KDM4C: variants seen among roughly 807,000 people sequenced by gnomAD.
The protein encoded by KDM4C is lysine demethylase 4C.
In KDM4C, 81 loss-of-function variants were observed where a neutral mutation model predicts 129.3. That is an observed-to-expected ratio of 0.63 (90% confidence interval 0.52 to 0.75). The LOEUF is 0.75. Among genes scored for constraint, KDM4C ranks in the 30% least tolerant of loss-of-function variants. The pLI is 0.00. For synonymous variants in KDM4C, 573 were observed against 456.1 expected (o/e 1.26, Z -3.26); for missense variants, 1,457 against 1,304.0 (o/e 1.12, Z -1.81).
chr9:6,834,809 A>T (rs1835567502), intron 4 of KDM4C: 1 of 1,372,214 alleles, frequency 7.3e-7, no homozygotes, highest in Non-Finnish European at 1.0e-6. Flanking sequence ...CCGCGAGAAG[A>T]TGACCCAGAT....
At chr9:7,004,703 C>G (rs1821335611) in intron 12 of KDM4C, among the ~76,000 whole-genome samples, 1 of 152,076 alleles carries the variant, frequency 6.6e-6, no homozygotes, top group Non-Finnish European at 1.5e-5. Context: ...AGAATAAAGG[C>G]TTTTATTTTC....
At chr9:7,058,947 T>C (rs978922227) in intron 17 of KDM4C, among the ~76,000 whole-genome samples, 1 of 152,194 alleles carries the variant, frequency 6.6e-6, no homozygotes, top group Non-Finnish European at 1.5e-5. Flanking sequence ...AATGACAAGA[T>C]TTGTTGCCTG....
chr9:6,934,700 G>T (rs1002510925), intron 8 of KDM4C, among the ~76,000 whole-genome samples: 1 of 151,722 alleles, frequency 6.6e-6, no homozygotes, highest in African/African-American at 2.4e-5. Flanking sequence ...TTGACCTCGT[G>T]ATCCGCCCAC....
rs141891387 is a variant in KDM4C, at chr9:7,090,520, C to G, written c.2425-13165C>G. On this transcript the variant is annotated intron_variant, in intron 17 of 21. Coordinates refer to ENST00000381309, the MANE Select transcript of KDM4C (RefSeq NM_015061.6). ...TTCTTGCTAAAAAAAAATAATTCCT[C>G]TGGTGCTACTTTTAATTTGGTCAGG... is the stretch of plus-strand genomic sequence containing the variant. 3.1e-3 allele frequency among the ~76,000 whole-genome samples: 473 copies of G among 152,210 alleles called. 4 individuals are homozygous for G. Among genetic ancestry groups the G allele is most frequent in the African/African-American group, 0.011 (446 of 41,536 alleles).
At chr9:6,877,474 A>G (rs1843737407) in intron 5 of KDM4C, among the ~76,000 whole-genome samples, 2 of 152,208 alleles carry the variant, frequency 1.3e-5, no homozygotes, top group Admixed American at 6.5e-5. Context: ...TGCTGGGATT[A>G]CAGGCGTGAG....
Position 7,150,795 on chromosome 9 carries a change from C to T in KDM4C, c.2782-14443C>T, listed in dbSNP as rs143102096. On this transcript the variant is annotated intron_variant, in intron 19 of 21. Transcript: ENST00000381309. The stretch of plus-strand genomic sequence containing the variant: ...GAACCAGAAAAATAATTTCCAAAAA[C>T]AGCTGCCTTTGTACTTTCTAGGCCT... Among the ~76,000 whole-genome samples the T allele has an allele frequency of 8.9e-3, 1,363 of 152,346 alleles. 8 individuals carry two copies. The highest frequency in any genetic ancestry group is 0.037 in the Middle Eastern group (11 of 294).
chr9:6,835,418 GCACGA>G, intron 4 of KDM4C: 1 of 1,166,150 alleles, frequency 8.6e-7, no homozygotes, highest in Non-Finnish European at 1.3e-6. Context: ...CTGGCGCCCA[GCACGA>G]TGAAGATCAA....
At chr9:6,744,953 T>G (rs1817828297) in intron 1 of KDM4C, among the ~76,000 whole-genome samples, 1 of 152,030 alleles carries the variant, frequency 6.6e-6, no homozygotes, top group African/African-American at 2.4e-5. Flanking sequence ...GGGATGGAGG[T>G]GCACGGCCAG....
chr9:6,772,839 C>CACACTACTACACCTG (rs1822172486), intron 1 of KDM4C, among the ~76,000 whole-genome samples: 3 of 149,506 alleles, frequency 2.0e-5, no homozygotes, highest in African/African-American at 4.9e-5. Context: ...ATTACAGGTG[C>CACACTACTACACCTG]GTGCCACCCC....
chr9:6,983,573 G>GACACACAT (rs1817142233), intron 9 of KDM4C, among the ~76,000 whole-genome samples: 1 of 142,610 alleles, frequency 7.0e-6, no homozygotes, highest in African/African-American at 2.7e-5. Context: ...GTGTCTTTAT[G>GACACACAT]ACACACACAC....
intron 8 of KDM4C, among the ~76,000 whole-genome samples, chr9:6,897,118 C>T (rs917883493): frequency 2.6e-5 from 4 of 152,138 alleles, no homozygotes; most frequent in Non-Finnish European, 4.4e-5. Context: ...TGTCCCTGTG[C>T]GTAAATTCTC....
intron 8 of KDM4C, among the ~76,000 whole-genome samples, chr9:6,943,765 G>T (rs1361416222): frequency 1.3e-5 from 2 of 152,152 alleles, no homozygotes; most frequent in African/African-American, 4.8e-5. Context: ...GCATTGTGTA[G>T]AAGTGGGAAT....
intron 3 of KDM4C, among the ~76,000 whole-genome samples, chr9:6,814,399 C>T (rs1021089875): frequency 6.6e-6 from 1 of 151,980 alleles, no homozygotes; most frequent in East Asian, 1.9e-4. Context: ...TTGTTGTTTT[C>T]GTGAAAGTAG....
intron 4 of KDM4C, among the ~76,000 whole-genome samples, chr9:6,826,810 T>C (rs1327591472): frequency 6.6e-6 from 1 of 150,806 alleles, no homozygotes; most frequent in Non-Finnish European, 1.5e-5. Flanking sequence ...GAGGTTGCAA[T>C]GAGCTGAGAT....
At chr9:7,128,027 C>T (rs1840203217) in intron 18 of KDM4C, 39 bp from the exon 19 acceptor site, 1 of 1,353,012 alleles carries the variant, frequency 7.4e-7, no homozygotes, top group Non-Finnish European at 9.7e-7. Context: ...TTCCTGTTCT[C>T]TTACTTCTTT....
At chr9:6,910,084 T>A (rs1230179750) in intron 8 of KDM4C, among the ~76,000 whole-genome samples, 1 of 152,182 alleles carries the variant, frequency 6.6e-6, no homozygotes, top group Non-Finnish European at 1.5e-5. Context: ...GAATATAAAA[T>A]GTACTTGAAT....
At chr9:6,834,481 T>A in intron 4 of KDM4C, 1 of 586,392 alleles carries the variant, frequency 1.7e-6, no homozygotes. Context: ...GCTACGCCCG[T>A]CGTCGACAAC....
At chr9:6,965,133 T>C (rs1331653577) in intron 8 of KDM4C, among the ~76,000 whole-genome samples, 1 of 152,110 alleles carries the variant, frequency 6.6e-6, no homozygotes, top group Non-Finnish European at 1.5e-5. Flanking sequence ...TCTTGCATGT[T>C]ATTTATTTTT....
chr9:7,139,555 G>GTA (rs1841537860), intron 19 of KDM4C, among the ~76,000 whole-genome samples: 1 of 152,134 alleles, frequency 6.6e-6, no homozygotes, highest in South Asian at 2.1e-4. Context: ...AAAATTATAT[G>GTA]TATATATATT....
Sources: allele counts gnomAD v4.1 joint callset (sites outside exome capture counted in the v4.1 genomes callset), GRCh38; gene constraint gnomAD v4.1.1; transcripts MANE v1.5; gene names NCBI Gene and HGNC (gene_info 2026-07-23, HGNC 2026-07-21).